Variants in LPCAT2 observed in about 807,000 individuals in gnomAD.
LPCAT2 encodes the protein lysophosphatidylcholine acyltransferase 2.
Under a neutral mutation model 64.7 loss-of-function variants are expected in LPCAT2, and 58 were observed. The ratio of observed to expected loss-of-function variants is 0.90; its 90% CI spans 0.73 to 1.12. The LOEUF (loss-of-function observed/expected upper bound fraction) is 1.12. Among genes scored for constraint, LPCAT2 ranks in the 50% most tolerant of loss-of-function variants. The probability of loss-of-function intolerance (pLI) is 0.00; values close to 1 mark genes in which losing one functional copy is unlikely to be tolerated. For missense variants in LPCAT2, 579 were observed against 669.8 expected (o/e 0.86, Z 1.50); for synonymous variants, 252 against 245.3 (o/e 1.03, Z -0.26).
intron 11 of LPCAT2, chr16:55,567,827 G>GGA (rs2142414488): frequency 4.8e-6 from 1 of 208,502 alleles, no homozygotes; most frequent in East Asian, 1.1e-4. Context: ...TAAATTCCAA[G>GGA]GAGTAGGAAC....
At chr16:55,565,029 G>A (rs1308218945) in intron 11 of LPCAT2, among the ~76,000 whole-genome samples, 1 of 151,860 alleles carries the variant, frequency 6.6e-6, no homozygotes, top group Non-Finnish European at 1.5e-5. Context: ...TTTTAAAATG[G>A]CCAAAAGATT....
intron 7 of LPCAT2, among the ~76,000 whole-genome samples, 186 bp from the exon 8 acceptor site, chr16:55,537,392 A>C (rs1469029744): frequency 2.2e-4 from 32 of 148,684 alleles, no homozygotes; most frequent in African/African-American, 7.7e-4. Flanking sequence ...CCCTGTCCCC[A>C]AAAAAAAAAA....
At chr16:55,547,952 G>A (rs1225398598) in intron 9 of LPCAT2, among the ~76,000 whole-genome samples, 9 of 152,082 alleles carry the variant, frequency 5.9e-5, no homozygotes, top group African/African-American at 2.2e-4. Context: ...ATTTTTAGTA[G>A]AGATGGGGTT....
intron 1 of LPCAT2, among the ~76,000 whole-genome samples, chr16:55,514,890 TTGTGTGTGTGTGTGTGTGTG>T (rs35295405): frequency 1.4e-5 from 2 of 141,236 alleles, no homozygotes; most frequent in Non-Finnish European, 3.1e-5. Context: ...ATGCAATGCA[TTGTGTGTGTGTGTGTGTGTG>T]TGTGTGTGTG....
chr16:55,555,873 G>A (rs548087627), intron 11 of LPCAT2, among the ~76,000 whole-genome samples: 8 of 152,292 alleles, frequency 5.3e-5, no homozygotes, highest in Admixed American at 5.2e-4. Context: ...GTAGTGCAGT[G>A]GCATGATCTC....
chr16:55,522,023 C>T (rs1384959290), intron 1 of LPCAT2, among the ~76,000 whole-genome samples: 1 of 151,134 alleles, frequency 6.6e-6, no homozygotes, highest in African/African-American at 2.4e-5. Context: ...AAATAAAAGA[C>T]ATATTGATTA....
chr16:55,532,166 C>T (rs1596859408), intron 5 of LPCAT2, 192 bp downstream of exon 5: 2 of 529,636 alleles, frequency 3.8e-6, no homozygotes, highest in East Asian at 3.1e-5. Context: ...ATTCCTCTCC[C>T]CTTGGAGTGT....
At chr16:55,548,204 G>A (rs1401566174) in intron 9 of LPCAT2, among the ~76,000 whole-genome samples, 1 of 152,154 alleles carries the variant, frequency 6.6e-6, no homozygotes, top group Non-Finnish European at 1.5e-5. Flanking sequence ...TTAGTGAAGA[G>A]GAATGTTTAT....
Position 55,579,249 on chromosome 16 carries a change from G to A in LPCAT2, c.1450+5G>A. On this transcript the variant is annotated splice_donor_5th_base_variant and intron_variant, in intron 13 of 13. Transcript: ENST00000262134. ...AAGGGGACTCAATTTCCTATGGTGAGTAGGCAATCTGGCCTCCTGACTTAG... is the reference window on the plus strand; with the variant it reads ...AAGGGGACTCAATTTCCTATGGTGAATAGGCAATCTGGCCTCCTGACTTAG... The A allele has an allele frequency of 1.9e-6, 3 of 1,611,406 alleles. No homozygotes were observed. Among genetic ancestry groups the A allele is most frequent in the Non-Finnish European group, 2.5e-6 (3 of 1,178,790 alleles).
At chr16:55,531,001 A>C (rs915590482) in intron 4 of LPCAT2, among the ~76,000 whole-genome samples, 3 of 152,110 alleles carry the variant, frequency 2.0e-5, no homozygotes, top group African/African-American at 7.2e-5. Flanking sequence ...TTCACTGTAT[A>C]CCCATTAATC....
chr16:55,580,636 A>G (rs1264031323), intron 13 of LPCAT2, among the ~76,000 whole-genome samples: 1 of 152,200 alleles, frequency 6.6e-6, no homozygotes, highest in African/African-American at 2.4e-5. Context: ...GATAAATGTC[A>G]TGAATGTGAC....
chr16:55,546,220 G>A (rs1963452170), intron 9 of LPCAT2, among the ~76,000 whole-genome samples: 1 of 152,048 alleles, frequency 6.6e-6, no homozygotes, highest in African/African-American at 2.4e-5. Flanking sequence ...TGCAAAAAGA[G>A]ATGCATAGAA....
chr16:55,509,553 C>G (rs547439433), intron 1 of LPCAT2, among the ~76,000 whole-genome samples: 2 of 124,130 alleles, frequency 1.6e-5, no homozygotes, highest in Non-Finnish European at 3.4e-5. Context: ...GGAGGTGGCC[C>G]GAGGGGAGCC....
intron 13 of LPCAT2, among the ~76,000 whole-genome samples, chr16:55,581,744 T>C (rs1312184053): frequency 3.9e-5 from 6 of 152,148 alleles, no homozygotes; most frequent in Non-Finnish European, 8.8e-5. Flanking sequence ...ATAAGCTCAA[T>C]AAAGTTTTAT....
intron 11 of LPCAT2, chr16:55,556,901 G>T (rs991289651): frequency 1.2e-4 from 19 of 152,270 alleles, no homozygotes; most frequent in African/African-American, 4.3e-4. Context: ...ATAACTGCCA[G>T]CTAGCTGATT....
chr16:55,534,895 TG>T (rs1170067073), intron 7 of LPCAT2, among the ~76,000 whole-genome samples: 1 of 152,206 alleles, frequency 6.6e-6, no homozygotes, highest in African/African-American at 2.4e-5. Context: ...GAAATAGCTA[TG>T]ATGTGTCTGA....
chr16:55,516,510 T>C (rs188271881), intron 1 of LPCAT2, among the ~76,000 whole-genome samples: 146 of 152,334 alleles, frequency 9.6e-4, no homozygotes, highest in Non-Finnish European at 1.7e-3. Context: ...ATTGCTGTAT[T>C]ACTATCAGAT....
chr16:55,534,195 T>C (rs1963294316), intron 6 of LPCAT2, among the ~76,000 whole-genome samples: 1 of 152,176 alleles, frequency 6.6e-6, no homozygotes, highest in Non-Finnish European at 1.5e-5. Flanking sequence ...AAATAGTTTT[T>C]AAAAAATTAA....
chr16:55,547,622 G>T (rs1454178720), intron 9 of LPCAT2, among the ~76,000 whole-genome samples: 3 of 152,102 alleles, frequency 2.0e-5, no homozygotes, highest in African/African-American at 7.2e-5. Flanking sequence ...TGTTACCAAA[G>T]CCCAAGCTGT....
Sources: allele counts gnomAD v4.1 joint callset (sites outside exome capture counted in the v4.1 genomes callset), GRCh38; gene constraint gnomAD v4.1.1; transcripts MANE v1.5; gene names NCBI Gene and HGNC (gene_info 2026-07-23, HGNC 2026-07-21).